The following ABR variants were observed in gnomAD, a reference collection of about 807,000 sequenced individuals.
ABR encodes the protein active breakpoint cluster region-related protein.
Under a neutral mutation model 107.2 loss-of-function variants are expected in ABR, and 35 were observed. That is an observed-to-expected ratio of 0.33 (90% CI 0.25 to 0.43). The LOEUF (loss-of-function observed/expected upper bound fraction) is 0.43, where lower values mean the gene tolerates loss of function less well. Among genes scored for constraint, ABR ranks in the 20% least tolerant of loss-of-function variants. The pLI, the probability that ABR is intolerant of heterozygous loss-of-function variation, is 1.00. For synonymous variants in ABR, 498 were observed against 462.0 expected, an observed-to-expected ratio of 1.08 and a Z score of -1.00; for missense variants, 815 against 1,115.2, an observed-to-expected ratio of 0.73 and a Z score of 3.83.
chr17:1,167,882 G>A (rs2151589101), intron 1 of ABR, among the ~76,000 whole-genome samples: 1 of 152,342 alleles, frequency 6.6e-6, no homozygotes, highest in Non-Finnish European at 1.5e-5. Flanking sequence ...GGCCGGGCGG[G>A]TCGCTCACGC....
rs574721086 is a variant in ABR, at chr17:1,142,615, C to A, written c.62-17248G>T. 8.2e-4 allele frequency among the ~76,000 whole-genome samples: 125 copies of A among 152,010 alleles called. 1 individual carries two copies. Among genetic ancestry groups the A allele is most frequent in the African/African-American group, 2.8e-3 (115 of 41,474 alleles). On this transcript the variant is annotated intron_variant, in intron 1 of 22. Transcript: ENST00000302538. ...AAAAAAAAAAAATACTCTGAAGCAG[C>A]CTATGAAGCCATCAGCCAGGCGCGT...
At position 1,171,187 on chromosome 17, in the gene ABR, T is replaced by A. The variant is rs561377351; in HGVS notation, c.61+8480A>T. Among the ~76,000 whole-genome samples the A allele has an allele frequency of 6.6e-5, 10 of 152,274 alleles. No homozygotes were observed. In the South Asian group the frequency reaches 1.9e-3, roughly 28 times the overall value. On this transcript the variant is annotated intron_variant, in intron 1 of 22. Transcript: ENST00000302538. ...AATTGCGGCTGTGAGGAGTAGATGT[T>A]CCCAGCCAGAGAAATAACTGGCTTA...
intron 16 of ABR, among the ~76,000 whole-genome samples, chr17:1,049,519 C>A (rs2032197649): frequency 6.6e-6 from 1 of 152,174 alleles, no homozygotes; most frequent in East Asian, 1.9e-4. Flanking sequence ...AGAGTCCCCA[C>A]CCGAAGCCAC....
At chr17:1,035,606 C>T (rs1175601344) in intron 16 of ABR, among the ~76,000 whole-genome samples, 2 of 1,604 alleles carry the variant, frequency 1.2e-3, no homozygotes, top group Non-Finnish European at 3.6e-3. Flanking sequence ...TTCCATCCCC[C>T]ACACCTGCTC....
At chr17:1,066,495 G>C (rs1280053216) in intron 10 of ABR, among the ~76,000 whole-genome samples, 7 of 151,840 alleles carry the variant, frequency 4.6e-5, no homozygotes. Flanking sequence ...CCTTACAAAA[G>C]CCTGCTTTTT....
chr17:1,069,897 G>A (rs71358531), intron 9 of ABR, 72 bp downstream of exon 9: 5,466 of 57,892 alleles, frequency 0.094, 259 homozygotes, highest in South Asian at 0.26. Context: ...CCCCCGCCCC[G>A]GACTCGCACA....
At chr17:1,055,025 T>C (rs1373726594) in intron 14 of ABR, among the ~76,000 whole-genome samples, 1 of 152,056 alleles carries the variant, frequency 6.6e-6, no homozygotes, top group Non-Finnish European at 1.5e-5. Flanking sequence ...GGGTAGAAAC[T>C]ATTAGCTGTC....
At chr17:1,058,134 A>ATATTT in intron 11 of ABR, 89 bp from the exon 12 acceptor site, 11 of 471,524 alleles carry the variant, frequency 2.3e-5, no homozygotes, top group Admixed American at 4.6e-5. Flanking sequence ...AGCTCCTTTT[A>ATATTT]TCTTTTTTTT....
chr17:1,059,002 G>C, intron 10 of ABR, 135 bp from the exon 11 acceptor site: 2 of 1,326,338 alleles, frequency 1.5e-6, no homozygotes, highest in Non-Finnish European at 2.1e-6. Context: ...GACATCTTGT[G>C]GCAGGAGAGG....
At chr17:1,205,524 G>A (rs1437667307) in intron 1 of ABR, among the ~76,000 whole-genome samples, 5 of 152,198 alleles carry the variant, frequency 3.3e-5, no homozygotes, top group Admixed American at 1.3e-4. Context: ...TATTGAAAAT[G>A]CATTGGCTGG....
In ABR at chr17:1,078,662, G is replaced by A. The variant is rs2035938350; in HGVS notation, c.700+668C>T. On this transcript the variant is annotated intron_variant, in intron 6 of 22. Coordinates refer to ENST00000302538, the MANE Select transcript of ABR (RefSeq NM_021962.5). The surrounding 1 kb of genome is among the most constrained non-coding windows in gnomAD (Gnocchi z 7.5). Reference sequence around the variant, plus strand: ...CCCAGGTTTCAACTCTAGGCTGGATGCCGCCAAAACGAAGGGGGAATTCAG... The same window carrying A: ...CCCAGGTTTCAACTCTAGGCTGGATACCGCCAAAACGAAGGGGGAATTCAG... 2.5e-6 allele frequency: 2 copies of A among 792,258 alleles called. No homozygotes were observed. Among genetic ancestry groups the A allele is most frequent in the South Asian group, 1.8e-5 (1 of 56,756 alleles). The allele number at this position is 792,258 out of a possible 1,614,324, so 49.1% of individuals were successfully genotyped here.
At chr17:1,153,431 C>G (rs908577202) in intron 1 of ABR, among the ~76,000 whole-genome samples, 1 of 142,392 alleles carries the variant, frequency 7.0e-6, no homozygotes, top group African/African-American at 2.6e-5. Flanking sequence ...GGCACACCTG[C>G]GGGAGGGCTG....
upstream of ABR, among the ~76,000 whole-genome samples, chr17:1,183,525 C>A (rs139348908): frequency 6.6e-6 from 1 of 152,266 alleles, no homozygotes; most frequent in Non-Finnish European, 1.5e-5. Context: ...GTGCTACTCA[C>A]GGCCTCTCCA....
At chr17:1,081,230 T>C (rs1446334290) in intron 5 of ABR, among the ~76,000 whole-genome samples, 1 of 152,174 alleles carries the variant, frequency 6.6e-6, no homozygotes, top group East Asian at 1.9e-4. Flanking sequence ...GCACCATTTC[T>C]CCAGCCCCTT....
At chr17:1,177,127 G>T (rs1377165127) in intron 1 of ABR, among the ~76,000 whole-genome samples, 1 of 152,170 alleles carries the variant, frequency 6.6e-6, no homozygotes. Flanking sequence ...AGCCTTGTAA[G>T]CAAACAGCTT....
chr17:1,014,237 C>T lies in ABR; in HGVS notation c.1792-1073G>A, dbSNP rs368434266. On this transcript the variant is annotated intron_variant, in intron 16 of 22. Coordinates refer to ENST00000302538, the MANE Select transcript of ABR (RefSeq NM_021962.5). ...CAGGCAGATCACGAGCTCAGGAGAT[C>T]GAGACCATCCTGGCTAACACGGTGA... 7.2e-5 allele frequency among the ~76,000 whole-genome samples: 11 copies of T among 152,128 alleles called. No individual in the cohort carries two copies. The Middle Eastern group carries it at 0.01, about 141-fold the overall frequency.
At position 1,150,038 on chromosome 17, in the gene ABR, C is replaced by T. The variant is rs1408347692; in HGVS notation, c.62-24671G>A. Among the ~76,000 whole-genome samples, 1 of 152,122 alleles carries T rather than the reference C, an allele frequency of 6.6e-6. No homozygotes were observed. The highest frequency in any genetic ancestry group is 2.4e-5 in the African/African-American group (1 of 41,418). ...ACGTTAGTGGCTGTTATTGTCGTCA[C>T]TGACGTTGTCACTGCTGTTGTCCCT... On this transcript the variant is annotated intron_variant, in intron 1 of 22. Transcript: ENST00000302538. This position sits in a 1 kb window ranked among gnomAD's most constrained non-coding sequence, Gnocchi z 4.8.
At chr17:1,127,975 C>A (rs1157991078) in intron 1 of ABR, among the ~76,000 whole-genome samples, 1 of 152,220 alleles carries the variant, frequency 6.6e-6, no homozygotes, top group Non-Finnish European at 1.5e-5. Flanking sequence ...GAACCCAGGT[C>A]TCAAATGCCC....
chr17:1,079,214 C>T (rs1426433706), intron 6 of ABR, 116 bp downstream of exon 6: 1 of 1,504,136 alleles, frequency 6.6e-7, no homozygotes, highest in Non-Finnish European at 8.9e-7. Context: ...CGCTCACGCT[C>T]ACACGCGCTC....
Sources: allele counts gnomAD v4.1 joint callset (sites outside exome capture counted in the v4.1 genomes callset), GRCh38; gene constraint gnomAD v4.1.1; non-coding constraint Gnocchi (gnomAD v3.1); transcripts MANE v1.5; gene names NCBI Gene and HGNC (gene_info 2026-07-23, HGNC 2026-07-21).